UBE2D4: variants seen among roughly 807,000 people sequenced by gnomAD.
The protein encoded by UBE2D4 is ubiquitin-conjugating enzyme E2 D4.
Under a neutral mutation model 23.0 loss-of-function variants are expected in UBE2D4, and 17 were observed. That is an observed-to-expected ratio of 0.74 (90% CI 0.51 to 1.11). The LOEUF (loss-of-function observed/expected upper bound fraction) is 1.11, where lower values mean the gene tolerates loss of function less well. Among genes scored for constraint, UBE2D4 ranks in the 50% least tolerant of loss-of-function variants. UBE2D4 has a pLI of 0.00. For missense variants in UBE2D4, 139 were observed against 181.8 expected (o/e 0.76, Z 1.35); for synonymous variants, 61 against 69.4 (o/e 0.88, Z 0.60).
intron 1 of UBE2D4, among the ~76,000 whole-genome samples, chr7:43,936,136 G>T (rs994168290): frequency 6.6e-6 from 1 of 152,200 alleles, no homozygotes; most frequent in African/African-American, 2.4e-5. Context: ...GCCTCCCAAA[G>T]TGCTGGGATT....
At chr7:43,931,229 G>T (rs2095944754) in intron 1 of UBE2D4, among the ~76,000 whole-genome samples, 1 of 152,150 alleles carries the variant, frequency 6.6e-6, no homozygotes, top group East Asian at 1.9e-4. Flanking sequence ...CTGAGCTCAG[G>T]AGTTCAAGAC....
At chr7:43,934,311 T>G (rs1364525827) in intron 1 of UBE2D4, among the ~76,000 whole-genome samples, 2 of 152,162 alleles carry the variant, frequency 1.3e-5, no homozygotes, top group Non-Finnish European at 2.9e-5. Context: ...TAGAGGACTC[T>G]AAGAATTGCC....
In UBE2D4 at chr7:43,926,440, C is replaced by T. The variant is rs2095930615; in HGVS notation, c.-93C>T. 1.7e-6 allele frequency: 2 copies of T among 1,169,872 alleles called. No homozygotes were observed. Among genetic ancestry groups the T allele is most frequent in the African/African-American group, 3.3e-5 (2 of 61,262 alleles). 72.5% of individuals were successfully genotyped at this position (1,169,872 alleles called of 1,614,324 possible). On this transcript the variant is annotated 5_prime_UTR_variant, in exon 1 of 7. Coordinates refer to ENST00000222402, the MANE Select transcript of UBE2D4 (RefSeq NM_015983.4). ...CCGCGCGCGCAAGCGCAGGCTGCGG[C>T]TCCCGGCGTGCAGCTTGGTGGCGGC...
intron 6 of UBE2D4, among the ~76,000 whole-genome samples, chr7:43,951,055 T>G (rs2096001280): frequency 6.6e-6 from 1 of 152,254 alleles, no homozygotes; most frequent in Admixed American, 6.5e-5. Context: ...ATTTAAATTC[T>G]AGGGTTTATA....
At chr7:43,930,065 G>T (rs912885715) in intron 1 of UBE2D4, among the ~76,000 whole-genome samples, 2 of 152,212 alleles carry the variant, frequency 1.3e-5, no homozygotes, top group African/African-American at 4.8e-5. Flanking sequence ...CTGGACATCT[G>T]GGAGTAATAG....
At chr7:43,948,104 A>T (rs2095992493) in intron 4 of UBE2D4, among the ~76,000 whole-genome samples, 1 of 152,174 alleles carries the variant, frequency 6.6e-6, no homozygotes, top group Non-Finnish European at 1.5e-5. Context: ...CCTTTGTCAG[A>T]TGGGTAGATT....
rs2096005815 is a variant in UBE2D4 at position 43,952,766 on chromosome 7, G to T, written c.*71G>T. On this transcript the variant is annotated 3_prime_UTR_variant, in exon 7 of 7. Transcript: ENST00000222402. ...AGAGAGGTCTTCCCTTAAAACTTTG[G>T]GCTGTTGGCTGAGCCATTCAAAGAG... 2.3e-6 allele frequency: 3 copies of T among 1,321,372 alleles called. No individual in the cohort carries two copies. In the African/African-American group the frequency reaches 4.3e-5, roughly 19 times the overall value. 81.9% of individuals were successfully genotyped at this position (1,321,372 alleles called of 1,614,324 possible).
chr7:43,932,685 CG>C (rs2095948503), intron 1 of UBE2D4, among the ~76,000 whole-genome samples: 1 of 151,782 alleles, frequency 6.6e-6, no homozygotes, highest in African/African-American at 2.4e-5. Context: ...CTCAGCTACT[CG>C]GGAGGCTGAG....
In UBE2D4 at chr7:43,952,872, C is replaced by A; in HGVS notation, c.*177C>A. ...TTGGTGCCATTTTCAGCAATTACGG[C>A]TTTGACAGTGCCACCTCTTTGATGC... On this transcript the variant is annotated 3_prime_UTR_variant, in exon 7 of 7. Transcript: ENST00000222402. The A allele has an allele frequency of 1.7e-6, 1 of 583,486 alleles. No homozygotes were observed. The highest frequency in any genetic ancestry group is 3.1e-6 in the Non-Finnish European group (1 of 319,538). 36.1% of individuals were successfully genotyped at this position (583,486 alleles called of 1,614,324 possible).
At chr7:43,931,639 C>T in intron 1 of UBE2D4, among the ~76,000 whole-genome samples, 1 of 151,622 alleles carries the variant, frequency 6.6e-6, no homozygotes, top group Middle Eastern at 3.2e-3. Context: ...GCAGAGCAGG[C>T]ATGTCACATG....
intron 1 of UBE2D4, among the ~76,000 whole-genome samples, chr7:43,935,163 A>C (rs1308239430): frequency 7.2e-5 from 11 of 152,208 alleles, no homozygotes; most frequent in Non-Finnish European, 8.8e-5. Flanking sequence ...TCCTCACAAC[A>C]ACCCTGTGAG....
intron 2 of UBE2D4, 196 bp from the exon 3 acceptor site, chr7:43,942,630 C>A: frequency 5.9e-6 from 4 of 683,718 alleles, no homozygotes; most frequent in Non-Finnish European, 1.0e-5. Context: ...TTAAGCACAA[C>A]CACTTTCAGT....
chr7:43,935,606 C>T (rs2095956679), intron 1 of UBE2D4, among the ~76,000 whole-genome samples: 3 of 152,046 alleles, frequency 2.0e-5, no homozygotes, highest in Admixed American at 6.6e-5. Flanking sequence ...AATGTGTTAA[C>T]GGATTTTAGT....
At chr7:43,926,687 A>T (rs1009969385) in intron 1 of UBE2D4, 131 bp downstream of exon 1, 1 of 956,398 alleles carries the variant, frequency 1.0e-6, no homozygotes, top group Non-Finnish European at 1.5e-6. Flanking sequence ...GGAAGGAGGC[A>T]GAACAGCCTC....
At chr7:43,939,518 A>G (rs1207888699) in intron 2 of UBE2D4, among the ~76,000 whole-genome samples, 1 of 152,216 alleles carries the variant, frequency 6.6e-6, no homozygotes, top group African/African-American at 2.4e-5. Flanking sequence ...AACTGCAGCC[A>G]TAGGAAAATA....
intron 5 of UBE2D4, 58 bp downstream of exon 5, chr7:43,948,795 C>A (rs749043121): frequency 7.5e-6 from 10 of 1,335,898 alleles, no homozygotes; most frequent in Non-Finnish European, 8.6e-6. Flanking sequence ...TACCCCAGCA[C>A]TGACTGAGTG....
In UBE2D4 at chr7:43,926,788, C is replaced by T. The variant is rs534186590; in HGVS notation, c.24+232C>T. On this transcript the variant is annotated intron_variant, in intron 1 of 6. Coordinates refer to ENST00000222402, the MANE Select transcript of UBE2D4 (RefSeq NM_015983.4). ...CCGTGGCCACGAGGGCTGCGTCATG[C>T]GGGCGGGGCGCCGTGGGGCCACCTG... 4.6e-5 allele frequency among the ~76,000 whole-genome samples: 7 copies of T among 151,776 alleles called. No individual in the cohort carries two copies. The East Asian group carries it at 1.4e-3, about 29-fold the overall frequency.
chr7:43,943,538 T>TCAGC (rs2095978425), intron 4 of UBE2D4: 1 of 174,700 alleles, frequency 5.7e-6, no homozygotes, highest in Non-Finnish European at 1.2e-5. Context: ...CAGATAATGA[T>TCAGC]CAGCCCCAAG....
rs1471188987 is a variant in UBE2D4 at position 43,955,817 on chromosome 7, C to G, written c.*3122C>G. 1.3e-5 allele frequency: 2 copies of G among 152,226 alleles called. No homozygotes were observed. Among genetic ancestry groups the G allele is most frequent in the African/African-American group, 4.8e-5 (2 of 41,428 alleles). The allele number at this position is 152,226 out of a possible 1,614,324, so 9.4% of individuals were successfully genotyped here. A position where few individuals can be genotyped will look rare whatever the true frequency, so the allele number is the denominator to read the frequency against. On this transcript the variant is annotated 3_prime_UTR_variant, in exon 7 of 7. Transcript: ENST00000222402. The stretch of plus-strand genomic sequence containing the variant: ...CTCTCCTCTGACTGTGAAACACTTC[C>G]TCTCCAGCAGTGTTGGGAAAGTTCT...
Sources: gnomAD v4.1 joint callset for allele counts (sites outside exome capture counted in the v4.1 genomes callset) on GRCh38, gnomAD v4.1.1 for gene constraint, MANE v1.5 for transcripts, NCBI Gene and HGNC (gene_info 2026-07-23, HGNC 2026-07-21) for gene names.